Variants in FGD5 observed in about 807,000 individuals in gnomAD.
FGD5 encodes the protein FYVE, RhoGEF and PH domain containing 5, also known as FYVE, RhoGEF and PH domain-containing protein 5.
A neutral mutation model predicts 133.4 loss-of-function variants in FGD5; 28 were observed. The observed-to-expected ratio is 0.21, with a 90% confidence interval of 0.16 to 0.29. The LOEUF (loss-of-function observed/expected upper bound fraction) is 0.29. Ranked by LOEUF, FGD5 falls within the 10% of genes least tolerant of loss-of-function variation. The pLI is 1.00. For missense variants in FGD5, 1,858 were observed against 1,895.2 expected, an observed-to-expected ratio of 0.98 and a Z score of 0.36; for synonymous variants, 810 against 776.5, an observed-to-expected ratio of 1.04 and a Z score of -0.72.
chr3:14,906,293 C>G (rs551433666), intron 9 of FGD5, among the ~76,000 whole-genome samples: 5 of 152,378 alleles, frequency 3.3e-5, no homozygotes, highest in South Asian at 4.1e-4. Context: ...CTGTCCCTCC[C>G]CTCCATGGCG....
chr3:14,819,686 G>GC lies in FGD5; in HGVS notation c.621dup (p.Asp208ArgfsTer10), dbSNP rs1412756682. ...CTCACATCCATGGAGAGGACCAGGA[G>GC]CCCCCCGACACCCCCGGGGAGGCAG... is the stretch of plus-strand genomic sequence containing the variant. On this transcript the variant is annotated frameshift_variant, in exon 1 of 20. Transcript: ENST00000285046. LOFTEE classifies it high-confidence loss of function. This position sits in a 1 kb window ranked among gnomAD's most constrained non-coding sequence, Gnocchi z 4.1. 6.5e-7 allele frequency: 1 copy of GC among 1,541,596 alleles called. No individual in the cohort carries two copies.
intron 2 of FGD5, 92 bp downstream of exon 2, chr3:14,864,352 G>C (rs1349637710): frequency 6.3e-7 from 1 of 1,585,666 alleles, no homozygotes; most frequent in Admixed American, 1.7e-5. Context: ...GGTGCGGACG[G>C]AGCTGTTTGC....
At chr3:14,824,969 T>TCCTCCCC (rs2036574014) in intron 1 of FGD5, among the ~76,000 whole-genome samples, 1 of 152,220 alleles carries the variant, frequency 6.6e-6, no homozygotes, top group Admixed American at 6.5e-5. Context: ...AGAGACTTTC[T>TCCTCCCC]ACCTGGCAAA....
rs2038918167 is a variant in FGD5 at position 14,932,623 on chromosome 3, C to A, written c.4244C>A (p.Ala1415Asp). Residue 1415 changes from alanine to aspartate, a missense_variant, in exon 19 of 20, where the codon GCT becomes GAT. By Grantham distance (126) the Ala-to-Asp change is moderately radical. Around this residue, in one of 3 missense-constraint regions of FGD5, gnomAD observed 1,824 missense variants for 1,848.9 expected, o/e 0.99. Coordinates refer to ENST00000285046, the MANE Select transcript of FGD5 (RefSeq NM_152536.4). The part of the protein sequence containing the change: ...ESMPLLGFTI[A>D]PEKEEGSSEV... ...ATGCCTCTGCTAGGCTTCACCATTG[C>A]TCCAGAAAAGGAAGAGGGCAGCAGT... is the stretch of plus-strand genomic sequence containing the variant. 6.2e-7 allele frequency: 1 copy of A among 1,613,896 alleles called. No individual in the cohort carries two copies. The highest frequency in any genetic ancestry group is 1.1e-5 in the South Asian group (1 of 91,088).
intron 1 of FGD5, among the ~76,000 whole-genome samples, chr3:14,829,524 C>G (rs1559471644): frequency 6.6e-6 from 1 of 152,196 alleles, no homozygotes; most frequent in African/African-American, 2.4e-5. Flanking sequence ...CACAGCAACC[C>G]TAGTTCTCCA....
At chr3:14,858,601 G>A (rs1024300628) in intron 1 of FGD5, among the ~76,000 whole-genome samples, 3 of 152,126 alleles carry the variant, frequency 2.0e-5, no homozygotes, top group African/African-American at 7.2e-5. Context: ...TAGAACAGAC[G>A]GCTCGTAATA....
At chr3:14,833,967 C>G (rs4684240) in intron 1 of FGD5, among the ~76,000 whole-genome samples, 12,549 of 152,126 alleles carry the variant, frequency 0.082, 808 homozygotes, top group East Asian at 0.24. Context: ...CCTTGGGGTT[C>G]CCTCCCATGC....
upstream of FGD5, among the ~76,000 whole-genome samples, chr3:14,816,142 T>G (rs2125064960): frequency 6.6e-6 from 1 of 152,316 alleles, no homozygotes; most frequent in Non-Finnish European, 1.5e-5. Context: ...ATCAATAGCT[T>G]GATTGGATGA....
At chr3:14,862,837 T>C (rs1382019050) in intron 1 of FGD5, among the ~76,000 whole-genome samples, 1 of 152,016 alleles carries the variant, frequency 6.6e-6, no homozygotes, top group Non-Finnish European at 1.5e-5. Context: ...TTGTCCTTGC[T>C]CTGTCTGGCC....
At chr3:14,902,928 G>A (rs141985294) in intron 9 of FGD5, among the ~76,000 whole-genome samples, 75 of 152,316 alleles carry the variant, frequency 4.9e-4, no homozygotes, top group African/African-American at 1.8e-3. Context: ...ACACCCTCTT[G>A]GCTTTCTCCA....
At chr3:14,861,486 G>A (rs980052925) in intron 1 of FGD5, among the ~76,000 whole-genome samples, 1 of 152,202 alleles carries the variant, frequency 6.6e-6, no homozygotes, top group Non-Finnish European at 1.5e-5. Flanking sequence ...TCACTGCAGT[G>A]ACAGGCCCAA....
intron 10 of FGD5, among the ~76,000 whole-genome samples, chr3:14,910,495 A>G (rs975171440): frequency 2.0e-5 from 3 of 152,096 alleles, no homozygotes; most frequent in Non-Finnish European, 2.9e-5. Flanking sequence ...GATCCTTTCA[A>G]CTGTGTCTTA....
At chr3:14,857,511 A>G (rs955971353) in intron 1 of FGD5, among the ~76,000 whole-genome samples, 2 of 152,144 alleles carry the variant, frequency 1.3e-5, no homozygotes, top group South Asian at 2.1e-4. Context: ...CTCACTTAAC[A>G]TACAGCAAAG....
upstream of FGD5, chr3:14,810,712 C>A: frequency 1.3e-6 from 1 of 775,792 alleles, no homozygotes; most frequent in South Asian, 5.8e-5. Context: ...CGCGCGGAGT[C>A]CGAGGCGCGC....
At chr3:14,818,572 G>T (rs903881450), upstream of FGD5, among the ~76,000 whole-genome samples, 1 of 152,202 alleles carries the variant, frequency 6.6e-6, no homozygotes, top group Non-Finnish European at 1.5e-5. Flanking sequence ...GAGGGCAGCA[G>T]GGAGGGTGAC....
chr3:14,922,124 C>G lies in FGD5; in HGVS notation c.3669+107C>G. ...ACCCAGATGGACGTGTAGCTCCTGT[C>G]TTGGGGCACTGGCTCCCCCCACACC... On this transcript the variant is annotated intron_variant, in intron 14 of 19. Transcript: ENST00000285046. The surrounding 1 kb of genome is among the most constrained non-coding windows in gnomAD (Gnocchi z 4.1). 1 of 1,234,676 alleles carries G rather than the reference C, an allele frequency of 8.1e-7. No individual in the cohort carries two copies. The allele number at this position is 1,234,676 out of a possible 1,614,324, so 76.5% of individuals were successfully genotyped here.
chr3:14,898,972 C>T (rs1477505424), intron 7 of FGD5, 146 bp downstream of exon 7: 3 of 712,796 alleles, frequency 4.2e-6, no homozygotes, highest in Admixed American at 2.4e-5. Context: ...ACCTTTCCCT[C>T]CAGTTGAGCT....
intron 9 of FGD5, among the ~76,000 whole-genome samples, chr3:14,901,812 C>G (rs1189203841): frequency 6.6e-6 from 1 of 152,184 alleles, no homozygotes; most frequent in African/African-American, 2.4e-5. Flanking sequence ...TATTGGACAC[C>G]TGCTATGTGT....
At chr3:14,856,329 T>G (rs1469281562) in intron 1 of FGD5, among the ~76,000 whole-genome samples, 1 of 152,242 alleles carries the variant, frequency 6.6e-6, no homozygotes, top group Non-Finnish European at 1.5e-5. Context: ...TTTATTCTTT[T>G]GGCTCAGGAT....
Sources: gnomAD v4.1 joint callset for allele counts (sites outside exome capture counted in the v4.1 genomes callset) on GRCh38, gnomAD v4.1.1 for gene constraint, gnomAD v4.1.1 regional missense constraint, Gnocchi (gnomAD v3.1) non-coding constraint, MANE v1.5 for transcripts, NCBI Gene and HGNC (gene_info 2026-07-23, HGNC 2026-07-21) for gene names.